Variants in BIN1 observed in about 807,000 individuals in gnomAD.
The protein encoded by BIN1 is myc box-dependent-interacting protein 1.
BIN1 carries 53 observed loss-of-function variants against 82.0 expected under a neutral mutation model. The observed-to-expected ratio is 0.65, with a 90% confidence interval of 0.52 to 0.81. The LOEUF is 0.81. BIN1 is among the 40% of genes least tolerant of loss of function. The probability of loss-of-function intolerance (pLI) is 0.00; values close to 1 mark genes in which losing one functional copy is unlikely to be tolerated. For synonymous variants in BIN1, 302 were observed against 328.0 expected (o/e 0.92, Z 0.86); for missense variants, 642 against 784.4 (o/e 0.82, Z 2.17).
chr2:127,101,006 T>TGGGGGGGGGGGGGGGGGGGGGG (rs368156938), intron 1 of BIN1, among the ~76,000 whole-genome samples: 1 of 109,202 alleles, frequency 9.2e-6, no homozygotes, highest in African/African-American at 4.3e-5. Flanking sequence ...GTGCGGGGGG[T>TGGGGGGGGGGGGGGGGGGGGGG]GGGGATAGAC....
intron 1 of BIN1, among the ~76,000 whole-genome samples, chr2:127,086,168 G>A (rs911489938): frequency 2.0e-5 from 3 of 152,248 alleles, no homozygotes; most frequent in East Asian, 3.9e-4. Flanking sequence ...TGAAGAAATC[G>A]AGGGTCAGGG....
chr2:127,081,865 A>C, intron 1 of BIN1: 4 of 1,287,148 alleles, frequency 3.1e-6, no homozygotes, highest in Non-Finnish European at 4.0e-6. Flanking sequence ...CTGCCTGCAC[A>C]GGAAGGGCGG....
In BIN1 at chr2:127,059,350, G is replaced by A. The variant is rs571922550; in HGVS notation, c.858-195C>T. Among the ~76,000 whole-genome samples the A allele has an allele frequency of 1.3e-5, 2 of 152,000 alleles. No individual in the cohort carries two copies. Among genetic ancestry groups the A allele is most frequent in the Non-Finnish European group, 2.9e-5 (2 of 67,952 alleles). Reference sequence around the variant, plus strand: ...CAAGGGACCTGGGCTTGGGGGGCTGGAAGTGGGAAGCCTGCCTCAGAAACA... The same window carrying A: ...CAAGGGACCTGGGCTTGGGGGGCTGAAAGTGGGAAGCCTGCCTCAGAAACA... On this transcript the variant is annotated intron_variant, in intron 10 of 18. Transcript: ENST00000316724. This position sits in a 1 kb window ranked among gnomAD's most constrained non-coding sequence, Gnocchi z 6.7.
At chr2:127,086,792 C>T (rs1220595491) in intron 1 of BIN1, among the ~76,000 whole-genome samples, 1 of 151,444 alleles carries the variant, frequency 6.6e-6, no homozygotes, top group Non-Finnish European at 1.5e-5. Context: ...AGGCATGAGC[C>T]ACCGCGTCCA....
rs190045917 is a variant in BIN1, at chr2:127,066,851, G to A, written c.612+1312C>T. Among the ~76,000 whole-genome samples the A allele has an allele frequency of 1.4e-3, 210 of 152,250 alleles. 1 individual carries two copies. Among genetic ancestry groups the A allele is most frequent in the Middle Eastern group, 3.4e-3 (1 of 294 alleles). ...TTTGGGAGGCCGAGGCAGGTGGATC[G>A]CTCAGCCCCAGGAGTTCAAGACCAG... On this transcript the variant is annotated intron_variant, in intron 7 of 18. Transcript: ENST00000316724.
chr2:127,104,536 G>A (rs1409369604), intron 1 of BIN1, among the ~76,000 whole-genome samples: 1 of 152,178 alleles, frequency 6.6e-6, no homozygotes, highest in African/African-American at 2.4e-5. Flanking sequence ...CACAGCTCCT[G>A]CCATCCTTGC....
At chr2:127,076,992 G>T (rs149035857) in intron 1 of BIN1, among the ~76,000 whole-genome samples, 33 of 152,260 alleles carry the variant, frequency 2.2e-4, no homozygotes, top group African/African-American at 7.5e-4. Context: ...TTCAAAGATG[G>T]CAAGAAGGAT....
intron 18 of BIN1, among the ~76,000 whole-genome samples, chr2:127,049,713 G>A (rs189970141): frequency 5.0e-4 from 76 of 152,306 alleles, no homozygotes; most frequent in South Asian, 1.7e-3. Context: ...TCTACACAGC[G>A]GGGAGGCTCC....
intron 1 of BIN1, among the ~76,000 whole-genome samples, chr2:127,081,609 G>C (rs982785341): frequency 3.3e-5 from 5 of 152,120 alleles, no homozygotes; most frequent in African/African-American, 1.2e-4. Context: ...AGGAAGGAGG[G>C]GTGAGGGCCG....
chr2:127,100,402 C>T (rs1680162705), intron 1 of BIN1, among the ~76,000 whole-genome samples: 1 of 152,148 alleles, frequency 6.6e-6, no homozygotes, highest in South Asian at 2.1e-4. Flanking sequence ...GCAGGGAGTC[C>T]GCTGGACGCC....
At position 127,107,089 on chromosome 2, in the gene BIN1, G is replaced by A. The variant is rs1462553382; in HGVS notation, c.-146C>T. 4 of 851,718 alleles carry A rather than the reference G, an allele frequency of 4.7e-6. No homozygotes were observed. Among genetic ancestry groups the A allele is most frequent in the African/African-American group, 1.8e-5 (1 of 55,434 alleles). 52.8% of individuals were successfully genotyped at this position (851,718 alleles called of 1,614,324 possible). A position where few individuals can be genotyped will look rare whatever the true frequency, so the allele number is the denominator to read the frequency against. On this transcript the variant is annotated 5_prime_UTR_variant, in exon 1 of 19. Coordinates refer to ENST00000316724, the MANE Select transcript of BIN1 (RefSeq NM_139343.3). This position sits in a 1 kb window ranked among gnomAD's most constrained non-coding sequence, Gnocchi z 5.9. Reference sequence around the variant, plus strand: ...CCCGACAGCGGAGCCAACTGACGGAGGCGGAGCGTGCGCCGGACGGGCGAG... The same window carrying A: ...CCCGACAGCGGAGCCAACTGACGGAAGCGGAGCGTGCGCCGGACGGGCGAG...
chr2:127,095,658 C>A (rs553815915), intron 1 of BIN1, among the ~76,000 whole-genome samples: 167 of 152,348 alleles, frequency 1.1e-3, no homozygotes, highest in Middle Eastern at 3.4e-3. Flanking sequence ...GGTGGCAGCA[C>A]CTGGGAAAGG....
At chr2:127,086,877 CT>C (rs1678242031) in intron 1 of BIN1, among the ~76,000 whole-genome samples, 1 of 152,240 alleles carries the variant, frequency 6.6e-6, no homozygotes. Flanking sequence ...GGCGATCCAC[CT>C]TTTTGACAAG....
intron 12 of BIN1, chr2:127,054,952 G>A (rs1296321005): frequency 6.6e-6 from 1 of 152,316 alleles, no homozygotes; most frequent in Admixed American, 6.5e-5. Flanking sequence ...GCTGCCTTCT[G>A]AGGAGCAGGG....
intron 1 of BIN1, among the ~76,000 whole-genome samples, chr2:127,083,312 T>C (rs1687543106): frequency 6.6e-6 from 1 of 152,088 alleles, no homozygotes; most frequent in African/African-American, 2.4e-5. Flanking sequence ...ACTCCTAGCC[T>C]CAAGTGATCC....
rs755151369 is a variant in BIN1, at chr2:127,052,394, G to C, written c.1264-32C>G. The C allele has an allele frequency of 1.2e-5, 18 of 1,549,514 alleles. No individual in the cohort carries two copies. In the South Asian group the frequency reaches 1.9e-4, roughly 16 times the overall value. ...ACAGGCCACGAGGAGAGAACAGGGAGGGGGCGGGGAGGCCGGGGTGGAAAG... is the reference window on the plus strand; with the variant it reads ...ACAGGCCACGAGGAGAGAACAGGGACGGGGCGGGGAGGCCGGGGTGGAAAG... On this transcript the variant is annotated intron_variant, in intron 14 of 18. Transcript: ENST00000316724.
chr2:127,078,718 C>A, intron 1 of BIN1, among the ~76,000 whole-genome samples: 1 of 152,170 alleles, frequency 6.6e-6, no homozygotes, highest in East Asian at 1.9e-4. Flanking sequence ...CTTGCAGGCT[C>A]CCCACTGCTG....
chr2:127,097,816 C>T (rs34854727), intron 1 of BIN1, among the ~76,000 whole-genome samples: 17,462 of 152,298 alleles, frequency 0.11, 1,288 homozygotes, highest in Non-Finnish European at 0.17. Context: ...CAGCCCAGGC[C>T]CAGCCTCTGC....
chr2:127,075,390 A>T (rs1025297077), intron 2 of BIN1, among the ~76,000 whole-genome samples: 18 of 152,166 alleles, frequency 1.2e-4, no homozygotes, highest in South Asian at 4.1e-4. Context: ...ATCAGAACCT[A>T]AGACCAGGTT....
Sources: allele counts gnomAD v4.1 joint callset (sites outside exome capture counted in the v4.1 genomes callset), GRCh38; gene constraint gnomAD v4.1.1; non-coding constraint Gnocchi (gnomAD v3.1); transcripts MANE v1.5; gene names NCBI Gene and HGNC (gene_info 2026-07-23, HGNC 2026-07-21).